The following COL13A1 variants were observed in gnomAD, a reference collection of about 807,000 sequenced individuals.
COL13A1 encodes collagen type XIII alpha 1 chain.
In COL13A1, 89 loss-of-function variants were observed where a neutral mutation model predicts 130.9. The ratio of observed to expected loss-of-function variants is 0.68; its 90% CI spans 0.57 to 0.81. The LOEUF (loss-of-function observed/expected upper bound fraction) is 0.81, where lower values mean the gene tolerates loss of function less well. Ranked by LOEUF, COL13A1 falls within the 30% of genes least tolerant of loss-of-function variation. The pLI is 0.00. For synonymous variants in COL13A1, 402 were observed against 341.6 expected (o/e 1.18, Z -1.95); for missense variants, 879 against 934.6 (o/e 0.94, Z 0.78).
intron 6 of COL13A1, among the ~76,000 whole-genome samples, 175 bp downstream of exon 6, chr10:69,878,240 G>A (rs1305562990): frequency 6.6e-6 from 1 of 152,214 alleles, no homozygotes; most frequent in Non-Finnish European, 1.5e-5. Context: ...ATAACATCGG[G>A]CAGCAGTCTT....
intron 2 of COL13A1, among the ~76,000 whole-genome samples, chr10:69,849,478 G>A (rs1213581797): frequency 6.6e-6 from 1 of 152,252 alleles, no homozygotes; most frequent in African/African-American, 2.4e-5. Context: ...GTGGTATGAT[G>A]CCCACACAAT....
At chr10:69,802,862 C>T (rs1840418259) in intron 1 of COL13A1, 145 bp downstream of exon 1, 13 of 1,038,554 alleles carry the variant, frequency 1.3e-5, no homozygotes, top group Non-Finnish European at 1.9e-5. Flanking sequence ...GTCGGGGACA[C>T]GGACAGACGC....
intron 26 of COL13A1, 27 bp downstream of exon 26, chr10:69,925,899 A>G: frequency 1.3e-6 from 2 of 1,555,582 alleles, no homozygotes; most frequent in Non-Finnish European, 8.7e-7. Flanking sequence ...CCAGAGGCCA[A>G]GATCCTCATG....
chr10:69,881,484 C>T (rs1227785), intron 7 of COL13A1, among the ~76,000 whole-genome samples: 30,378 of 152,132 alleles, frequency 0.2, 3,473 homozygotes, highest in Non-Finnish European at 0.26. Flanking sequence ...GGCCAGAGAA[C>T]GAATGGCTAA....
At chr10:69,837,771 G>A (rs566960949) in intron 2 of COL13A1, among the ~76,000 whole-genome samples, 1 of 151,704 alleles carries the variant, frequency 6.6e-6, no homozygotes, top group South Asian at 2.1e-4. Context: ...ATGTTCCCGT[G>A]GAACGGCGAT....
At chr10:69,853,847 A>G (rs1257058719) in intron 2 of COL13A1, among the ~76,000 whole-genome samples, 3 of 152,256 alleles carry the variant, frequency 2.0e-5, no homozygotes, top group Admixed American at 2.0e-4. Context: ...GAACGTAGGT[A>G]TGCGTGTGGA....
intron 1 of COL13A1, among the ~76,000 whole-genome samples, chr10:69,810,743 G>A (rs1431260659): frequency 6.6e-6 from 1 of 152,180 alleles, no homozygotes; most frequent in Admixed American, 6.5e-5. Context: ...GGGAGACTAG[G>A]GTGGATGGGG....
At chr10:69,836,537 G>A (rs1850119405) in intron 2 of COL13A1, among the ~76,000 whole-genome samples, 1 of 152,202 alleles carries the variant, frequency 6.6e-6, no homozygotes, top group African/African-American at 2.4e-5. Flanking sequence ...GAGGGTCAGA[G>A]CTCCAGCTGC....
intron 30 of COL13A1, 59 bp from the exon 31 acceptor site, chr10:69,932,501 C>A: frequency 8.0e-7 from 1 of 1,242,894 alleles, no homozygotes; most frequent in Non-Finnish European, 1.2e-6. Context: ...TGTGAGGGTG[C>A]GTCTGTCCCA....
chr10:69,877,557 CCTGGCCAG>C (rs1349678943), intron 5 of COL13A1: 2 of 169,122 alleles, frequency 1.2e-5, no homozygotes, highest in African/African-American at 4.8e-5. Context: ...CTCAGAGTGT[CCTGGCCAG>C]CTGGGGCCAT....
At chr10:69,877,683 TCTCTCTCTCTCTCTCTCACACA>T (rs2059712543) in intron 5 of COL13A1, 3 of 108,998 alleles carry the variant, frequency 2.8e-5, no homozygotes, top group African/African-American at 1.3e-4. Context: ...TGTCTCTCTC[TCTCTCTCTCTCTCTCTCACACA>T]CACACACACA....
chr10:69,819,561 CCTGT>C (rs1206432249), intron 1 of COL13A1, among the ~76,000 whole-genome samples: 6 of 152,170 alleles, frequency 3.9e-5, no homozygotes, highest in African/African-American at 1.4e-4. Flanking sequence ...CTGCATTCCT[CCTGT>C]CTATCAGTAA....
At chr10:69,878,672 G>A (rs1393376716) in intron 6 of COL13A1, among the ~76,000 whole-genome samples, 1 of 152,340 alleles carries the variant, frequency 6.6e-6, no homozygotes, top group East Asian at 1.9e-4. Flanking sequence ...AGTAGAGACA[G>A]GGTTTTACCA....
At chr10:69,863,256 C>T (rs1237772659) in intron 2 of COL13A1, among the ~76,000 whole-genome samples, 1 of 152,198 alleles carries the variant, frequency 6.6e-6, no homozygotes, top group Non-Finnish European at 1.5e-5. Flanking sequence ...CAAAATGTCT[C>T]CAGACATTGT....
intron 31 of COL13A1, among the ~76,000 whole-genome samples, chr10:69,934,807 T>A (rs2066613338): frequency 6.6e-6 from 1 of 152,138 alleles, no homozygotes; most frequent in South Asian, 2.1e-4. Flanking sequence ...TGAGGAGCAA[T>A]CTCCAGGAAC....
chr10:69,926,264 T>A (rs1467183293), intron 26 of COL13A1, among the ~76,000 whole-genome samples: 2 of 152,244 alleles, frequency 1.3e-5, no homozygotes, highest in Non-Finnish European at 2.9e-5. Context: ...GGAACGCATC[T>A]CCTTTCGTGT....
chr10:69,950,770 G>C (rs1216782161), intron 38 of COL13A1, among the ~76,000 whole-genome samples: 1 of 152,198 alleles, frequency 6.6e-6, no homozygotes, highest in African/African-American at 2.4e-5. Context: ...ATAATGCACT[G>C]GCAGTTGCAG....
At chr10:69,900,130 C>G (rs531635369) in intron 14 of COL13A1, among the ~76,000 whole-genome samples, 22 of 152,304 alleles carry the variant, frequency 1.4e-4, no homozygotes, top group African/African-American at 5.1e-4. Flanking sequence ...TAGAGAAGTA[C>G]CAGGCCCACC....
intron 6 of COL13A1, among the ~76,000 whole-genome samples, chr10:69,879,037 T>G (rs1165681916): frequency 1.3e-5 from 2 of 152,174 alleles, no homozygotes; most frequent in African/African-American, 4.8e-5. Context: ...CAGGTGCGGG[T>G]TTAAGTATTT....
Sources: allele counts gnomAD v4.1 joint callset (sites outside exome capture counted in the v4.1 genomes callset), GRCh38; gene constraint gnomAD v4.1.1; transcripts MANE v1.5; gene names NCBI Gene and HGNC (gene_info 2026-07-23, HGNC 2026-07-21).